The following ZNF385B variants were observed in gnomAD, a reference collection of about 807,000 sequenced individuals.
The protein encoded by ZNF385B is zinc finger protein 533.
ZNF385B carries 23 observed loss-of-function variants against 39.2 expected under a neutral mutation model. The observed-to-expected ratio is 0.59, with a 90% CI of 0.42 to 0.83. The LOEUF (loss-of-function observed/expected upper bound fraction) is 0.83. ZNF385B is among the 40% of genes least tolerant of loss of function. The probability of loss-of-function intolerance (pLI) is 0.00; values close to 1 mark genes in which losing one functional copy is unlikely to be tolerated. For synonymous variants in ZNF385B, 205 were observed against 222.6 expected, an observed-to-expected ratio of 0.92 and a Z score of 0.70; for missense variants, 552 against 598.9, an observed-to-expected ratio of 0.92 and a Z score of 0.82.
intron 3 of ZNF385B, among the ~76,000 whole-genome samples, chr2:179,567,467 A>C (rs940872237): frequency 7.2e-5 from 11 of 152,200 alleles, no homozygotes; most frequent in Non-Finnish European, 1.0e-4. Context: ...AAAATAATAT[A>C]TCCAAAACAA....
chr2:179,572,039 G>A (rs886776547), intron 3 of ZNF385B, among the ~76,000 whole-genome samples: 2 of 151,946 alleles, frequency 1.3e-5, no homozygotes, highest in South Asian at 2.1e-4. Context: ...TGGCCTCAGG[G>A]TGGCTATTTT....
intron 3 of ZNF385B, among the ~76,000 whole-genome samples, chr2:179,632,653 A>T (rs1215812324): frequency 6.6e-6 from 1 of 152,214 alleles, no homozygotes; most frequent in Non-Finnish European, 1.5e-5. Flanking sequence ...TAGAGAAGCA[A>T]GAGCAAACAC....
chr2:179,697,869 G>T (rs928055442), intron 3 of ZNF385B, among the ~76,000 whole-genome samples: 1 of 152,138 alleles, frequency 6.6e-6, no homozygotes, highest in African/African-American at 2.4e-5. Context: ...CCATAAAAAA[G>T]GATGAGTTCA....
At chr2:179,655,874 TA>T (rs1693705426) in intron 3 of ZNF385B, among the ~76,000 whole-genome samples, 1 of 152,180 alleles carries the variant, frequency 6.6e-6, no homozygotes, top group South Asian at 2.1e-4. Flanking sequence ...TCTAGGGGAA[TA>T]AAACAATTAC....
rs575640744 is a variant in ZNF385B at position 179,751,966 on chromosome 2, A to G, written c.298+17537T>C. ...TTTTTATTATTATACTTTAAGTTCTAGGGCACATGTGCACAACGTGCAGGT... is the reference window on the plus strand; with the variant it reads ...TTTTTATTATTATACTTTAAGTTCTGGGGCACATGTGCACAACGTGCAGGT... On this transcript the variant is annotated intron_variant, in intron 3 of 9. Coordinates refer to ENST00000410066, the MANE Select transcript of ZNF385B (RefSeq NM_152520.6). Among the ~76,000 whole-genome samples the G allele has an allele frequency of 3.6e-3, 549 of 152,234 alleles. 4 individuals carry two copies. The highest frequency in any genetic ancestry group is 0.025 in the South Asian group (120 of 4,822).
At chr2:179,456,823 G>T (rs2105449775) in intron 6 of ZNF385B, among the ~76,000 whole-genome samples, 1 of 152,230 alleles carries the variant, frequency 6.6e-6, no homozygotes, top group African/African-American at 2.4e-5. Flanking sequence ...ACTATTTTAA[G>T]AATTTATAGT....
intron 3 of ZNF385B, among the ~76,000 whole-genome samples, chr2:179,660,698 T>C (rs1694363567): frequency 1.3e-5 from 2 of 152,182 alleles, no homozygotes; most frequent in East Asian, 3.8e-4. Context: ...ACAAAGATAA[T>C]TATTTCTGAA....
chr2:179,470,470 T>G (rs1424677045), intron 6 of ZNF385B, among the ~76,000 whole-genome samples: 1 of 151,244 alleles, frequency 6.6e-6, no homozygotes, highest in Non-Finnish European at 1.5e-5. Flanking sequence ...GATTTTCCTT[T>G]GTGATATGGT....
chr2:179,653,717 C>T (rs1693436003), intron 3 of ZNF385B, among the ~76,000 whole-genome samples: 2 of 152,056 alleles, frequency 1.3e-5, no homozygotes, highest in African/African-American at 2.4e-5. Flanking sequence ...TTCCTTCTAC[C>T]ACACTGAAGT....
intron 1 of ZNF385B, among the ~76,000 whole-genome samples, chr2:179,857,915 TTGAGGC>T (rs1684727955): frequency 6.6e-6 from 1 of 152,246 alleles, no homozygotes; most frequent in East Asian, 1.9e-4. Flanking sequence ...CAGAGCTACT[TTGAGGC>T]TGGACTGCAG....
In ZNF385B at chr2:179,608,842, C is replaced by CTG. The variant is rs60633100; in HGVS notation, c.299-63875_299-63874dup. Among the ~76,000 whole-genome samples, 702 of 134,670 alleles carry CTG rather than the reference C, an allele frequency of 5.2e-3. 1 individual carries two copies. The highest frequency in any genetic ancestry group is 0.013 in the African/African-American group (470 of 35,526). The allele number at this position is 134,670 out of a possible 152,430, so 88.3% of individuals were successfully genotyped here. A position where few individuals can be genotyped will look rare whatever the true frequency, so the allele number is the denominator to read the frequency against. ...AATGTAAGTTCCTGAAGGGCCAAGA[C>CTG]TGTGTGTGTGTGTGTGTGTGTGTGT... is the stretch of plus-strand genomic sequence containing the variant. On this transcript the variant is annotated intron_variant, in intron 3 of 9. Coordinates refer to ENST00000410066, the MANE Select transcript of ZNF385B (RefSeq NM_152520.6).
At chr2:179,695,409 G>A (rs1446920890) in intron 3 of ZNF385B, among the ~76,000 whole-genome samples, 2 of 152,066 alleles carry the variant, frequency 1.3e-5, no homozygotes, top group Non-Finnish European at 2.9e-5. Context: ...ACAACTCACA[G>A]AATGGGAAAA....
chr2:179,755,564 T>C (rs1383902425), intron 3 of ZNF385B, among the ~76,000 whole-genome samples: 3 of 152,158 alleles, frequency 2.0e-5, no homozygotes, highest in African/African-American at 7.2e-5. Context: ...TTTGTGGGAG[T>C]CTAAGTCTCT....
chr2:179,578,015 G>A (rs11885342), intron 3 of ZNF385B, among the ~76,000 whole-genome samples: 57,686 of 151,758 alleles, frequency 0.38, 11,357 homozygotes, highest in African/African-American at 0.48. Flanking sequence ...TGTTGGCTAG[G>A]CACCTTAGAC....
chr2:179,737,692 C>T lies in ZNF385B; in HGVS notation c.298+31811G>A, dbSNP rs1005352297. On this transcript the variant is annotated intron_variant, in intron 3 of 9. Transcript: ENST00000410066. ...TAATTTCTGATTACATCATATTCCC[C>T]GCATGTTCTCTCCACTTGCTATGCA... 7.9e-5 allele frequency among the ~76,000 whole-genome samples: 12 copies of T among 152,192 alleles called. No individual in the cohort carries two copies. The East Asian group carries it at 9.6e-4, about 12-fold the overall frequency.
chr2:179,714,945 A>AAAAAAAAAAAAAAACAAAAC (rs1700229782), intron 3 of ZNF385B, among the ~76,000 whole-genome samples: 2 of 150,300 alleles, frequency 1.3e-5, no homozygotes, highest in African/African-American at 4.9e-5. Flanking sequence ...TCTATCTCAA[A>AAAAAAAAAAAAAAACAAAAC]AAAAAAAAAA....
intron 3 of ZNF385B, among the ~76,000 whole-genome samples, chr2:179,753,263 T>C (rs1459077751): frequency 1.3e-5 from 2 of 152,236 alleles, no homozygotes; most frequent in African/African-American, 2.4e-5. Flanking sequence ...GTATTATTTC[T>C]GAGGGCTCTG....
chr2:179,618,820 A>G (rs1413966689), intron 3 of ZNF385B, among the ~76,000 whole-genome samples: 1 of 152,106 alleles, frequency 6.6e-6, no homozygotes, highest in Non-Finnish European at 1.5e-5. Flanking sequence ...GTACCTCAAA[A>G]GTTCTTGGCT....
chr2:179,751,034 A>G (rs188503475), intron 3 of ZNF385B, among the ~76,000 whole-genome samples: 95 of 152,272 alleles, frequency 6.2e-4, no homozygotes, highest in Non-Finnish European at 1.1e-3. Context: ...ATCATTTAAA[A>G]TTAATGTTCA....
Sources: allele counts gnomAD v4.1 joint callset (sites outside exome capture counted in the v4.1 genomes callset), GRCh38; gene constraint gnomAD v4.1.1; transcripts MANE v1.5; gene names NCBI Gene and HGNC (gene_info 2026-07-23, HGNC 2026-07-21).